Variants in PNPLA1 observed in about 807,000 individuals in gnomAD.
PNPLA1 encodes the protein patatin like domain 1, omega-hydroxyceramide transacylase, also known as omega-hydroxyceramide transacylase.
In PNPLA1, 36 loss-of-function variants were observed where a neutral mutation model predicts 51.7. The ratio of observed to expected loss-of-function variants is 0.70; its 90% confidence interval spans 0.53 to 0.92. The LOEUF (loss-of-function observed/expected upper bound fraction) is 0.92. Ranked by LOEUF, PNPLA1 falls within the 40% of genes least tolerant of loss-of-function variation. PNPLA1 has a pLI of 0.00. For synonymous variants in PNPLA1, 293 were observed against 280.1 expected, an observed-to-expected ratio of 1.05 and a Z score of -0.46; for missense variants, 658 against 682.5, an observed-to-expected ratio of 0.96 and a Z score of 0.40.
At chr6:36,263,284 C>T (rs765110089) in intron 1 of PNPLA1, among the ~76,000 whole-genome samples, 5 of 152,022 alleles carry the variant, frequency 3.3e-5, no homozygotes, top group Admixed American at 6.5e-5. Flanking sequence ...ATGCATTCAG[C>T]GGAGCCAATA....
intron 1 of PNPLA1, among the ~76,000 whole-genome samples, chr6:36,281,698 T>C (rs925627919): frequency 6.6e-6 from 1 of 152,086 alleles, no homozygotes; most frequent in Non-Finnish European, 1.5e-5. Flanking sequence ...ACTCCATGTG[T>C]CAAGCAATTA....
intron 1 of PNPLA1, among the ~76,000 whole-genome samples, chr6:36,254,751 C>T (rs1410834922): frequency 1.3e-5 from 2 of 152,148 alleles, no homozygotes; most frequent in East Asian, 1.9e-4. Context: ...TCAGGCCCCT[C>T]TCAGGGGCTG....
intron 1 of PNPLA1, among the ~76,000 whole-genome samples, chr6:36,273,038 G>C (rs1769968344): frequency 6.6e-6 from 1 of 151,420 alleles, no homozygotes; most frequent in Admixed American, 6.6e-5. Context: ...GTGGATCAGG[G>C]GTTCAAGACC....
chr6:36,304,451 C>A (rs1771169851), intron 6 of PNPLA1, among the ~76,000 whole-genome samples: 1 of 151,946 alleles, frequency 6.6e-6, no homozygotes, highest in South Asian at 2.1e-4. Flanking sequence ...CGTGGTGAAA[C>A]CCCATCTCTA....
intron 1 of PNPLA1, among the ~76,000 whole-genome samples, chr6:36,250,074 A>C (rs1200264067): frequency 6.6e-6 from 1 of 152,204 alleles, no homozygotes; most frequent in Non-Finnish European, 1.5e-5. Flanking sequence ...TCGGTTGGCT[A>C]CCCAAACCAT....
rs375522496 is a variant in PNPLA1 at position 36,295,465 on chromosome 6, G to A, written c.775+41G>A. ...GCCCCAGGTAAGGGCAGTGTTGGAGGGTAGGGAAAGTTCAAACAGTAGAAG... is the reference window on the plus strand; with the variant it reads ...GCCCCAGGTAAGGGCAGTGTTGGAGAGTAGGGAAAGTTCAAACAGTAGAAG... On this transcript the variant is annotated intron_variant, in intron 5 of 8. Transcript: ENST00000636260. The A allele has an allele frequency of 4.4e-6, 7 of 1,597,080 alleles. No individual in the cohort carries two copies. In the African/African-American group the frequency reaches 8.1e-5, roughly 18 times the overall value.
At chr6:36,292,632 C>T (rs900504445) in intron 2 of PNPLA1, among the ~76,000 whole-genome samples, 4 of 152,214 alleles carry the variant, frequency 2.6e-5, no homozygotes, top group African/African-American at 9.7e-5. Context: ...CTCACCTCCA[C>T]CATGCCCCTG....
intron 1 of PNPLA1, among the ~76,000 whole-genome samples, chr6:36,271,845 G>A (rs1769925974): frequency 6.6e-6 from 1 of 152,200 alleles, no homozygotes; most frequent in Admixed American, 6.5e-5. Flanking sequence ...TGGGGAGGGG[G>A]CAGAGGGCGT....
intron 1 of PNPLA1, among the ~76,000 whole-genome samples, chr6:36,281,259 A>G (rs1770273586): frequency 6.6e-6 from 1 of 152,206 alleles, no homozygotes; most frequent in African/African-American, 2.4e-5. Context: ...TGTTGCCCAG[A>G]TGTAACTTGG....
chr6:36,296,812 C>T (rs182951510), intron 5 of PNPLA1, among the ~76,000 whole-genome samples: 1 of 152,258 alleles, frequency 6.6e-6, no homozygotes, highest in East Asian at 1.9e-4. Context: ...ATAATTGCTT[C>T]CCCTCTCTAA....
intron 1 of PNPLA1, among the ~76,000 whole-genome samples, chr6:36,276,458 G>A (rs921810097): frequency 6.6e-6 from 1 of 152,114 alleles, no homozygotes; most frequent in Non-Finnish European, 1.5e-5. Context: ...CATAGTGCCT[G>A]GTTTTTACTA....
intron 1 of PNPLA1, among the ~76,000 whole-genome samples, chr6:36,255,302 C>T (rs76827675): frequency 1.3e-5 from 2 of 151,900 alleles, no homozygotes; most frequent in African/African-American, 4.8e-5. Flanking sequence ...GTTGGGAGTT[C>T]GAGACCAGCC....
upstream of PNPLA1, among the ~76,000 whole-genome samples, chr6:36,269,548 G>A (rs142493940): frequency 2.6e-5 from 4 of 152,250 alleles, no homozygotes; most frequent in East Asian, 7.7e-4. Flanking sequence ...GCAACACGAA[G>A]CCTCACACAC....
chr6:36,270,741 G>T, intron 1 of PNPLA1, 77 bp downstream of exon 1: 1 of 1,497,164 alleles, frequency 6.7e-7, no homozygotes, highest in South Asian at 1.2e-5. Flanking sequence ...GAGGGAGGCT[G>T]GGGATGCTTT....
chr6:36,294,362 C>T lies in PNPLA1; in HGVS notation c.677C>T (p.Ala226Val). The T allele has an allele frequency of 1.2e-6, 2 of 1,614,152 alleles. No homozygotes were observed. The highest frequency in any genetic ancestry group is 1.7e-6 in the Non-Finnish European group (2 of 1,180,028). The stretch of plus-strand genomic sequence containing the variant: ...TTCCAGTTCTCCCTGGAGAACATCG[C>T]CAGGATGACCCACGCATTGTTCCCC... ...CSFQFSLENI[A>V]RMTHALFPPD... Residue 226 changes from alanine to valine, a missense_variant, in exon 4 of 9, where the codon GCC (alanine) becomes GTC (valine). Coordinates refer to ENST00000636260, the MANE Select transcript of PNPLA1 (RefSeq NM_001374623.1). The surrounding 1 kb of genome is among the most constrained non-coding windows in gnomAD (Gnocchi z 4.2).
intron 1 of PNPLA1, among the ~76,000 whole-genome samples, chr6:36,285,061 G>A (rs1489387807): frequency 2.0e-5 from 3 of 152,208 alleles, no homozygotes; most frequent in African/African-American, 7.2e-5. Context: ...GGGAAAGCCT[G>A]TTTAGGGAAA....
intron 1 of PNPLA1, among the ~76,000 whole-genome samples, chr6:36,258,344 C>T (rs1002433206): frequency 1.1e-4 from 17 of 152,330 alleles, no homozygotes; most frequent in African/African-American, 3.6e-4. Flanking sequence ...CAAGCGTGAG[C>T]TTTACATCCT....
Position 36,301,892 on chromosome 6 carries a change from A to G in PNPLA1, c.807A>G (p.Arg269=). The change falls in exon 6 of 9, where the codon AGA becomes AGG. Residue 269 remains arginine, a synonymous_variant. Coordinates refer to ENST00000636260, the MANE Select transcript of PNPLA1 (RefSeq NM_001374623.1). Reference sequence around the variant, plus strand: ...TTTATCTTAATTCTTCCTCCAAGAGAGTGATTTTCCCCCGGGTGGAAGTGT... The same window carrying G: ...TTTATCTTAATTCTTCCTCCAAGAGGGTGATTTTCCCCCGGGTGGAAGTGT... ...NAVYLNSSSK[R]VIFPRVEVYC... 6.2e-7 allele frequency: 1 copy of G among 1,613,986 alleles called. No homozygotes were observed. The highest frequency in any genetic ancestry group is 8.5e-7 in the Non-Finnish European group (1 of 1,179,966).
chr6:36,298,046 T>C (rs1448925977), intron 5 of PNPLA1, among the ~76,000 whole-genome samples: 1 of 152,242 alleles, frequency 6.6e-6, no homozygotes, highest in Non-Finnish European at 1.5e-5. Context: ...TTCACTACAA[T>C]GTGAACTCTT....
Sources: allele counts gnomAD v4.1 joint callset (sites outside exome capture counted in the v4.1 genomes callset), GRCh38; gene constraint gnomAD v4.1.1; non-coding constraint Gnocchi (gnomAD v3.1); transcripts MANE v1.5; gene names NCBI Gene and HGNC (gene_info 2026-07-23, HGNC 2026-07-21).